The following JADE3 variants were observed in gnomAD, a reference collection of about 807,000 sequenced individuals.
JADE3 encodes the protein protein Jade-3.
A neutral mutation model predicts 50.1 loss-of-function variants in JADE3; 2 were observed. The observed-to-expected ratio is 0.04, with a 90% CI of 0.02 to 0.13. The LOEUF (loss-of-function observed/expected upper bound fraction) is 0.13, where lower values mean the gene tolerates loss of function less well. Among genes scored for constraint, JADE3 ranks in the 10% least tolerant of loss-of-function variants. JADE3 has a pLI of 1.00. For missense variants in JADE3, 475 were observed against 634.4 expected (o/e 0.75, Z 2.70); for synonymous variants, 218 against 232.9 (o/e 0.94, Z 0.58).
At chrX:47,039,741 T>G (rs1556369236) in intron 8 of JADE3, among the ~76,000 whole-genome samples, 1 of 112,141 alleles carries the variant, frequency 8.9e-6, no homozygotes, top group Non-Finnish European at 1.9e-5. Context: ...CATGATTTCT[T>G]TTTTTGTTTT....
intron 1 of JADE3, among the ~76,000 whole-genome samples, chrX:46,945,056 A>T (rs781923276): frequency 5.7e-5 from 6 of 105,526 alleles, no homozygotes; most frequent in African/African-American, 2.1e-4. Context: ...AGATTTCACC[A>T]TGTTGCCCAG....
intron 1 of JADE3, 39 bp downstream of exon 1, chrX:46,912,758 TGGG>T (rs1183999922): frequency 2.7e-5 from 3 of 111,217 alleles, no homozygotes; most frequent in Non-Finnish European, 5.7e-5. Flanking sequence ...CGGGCGAGGT[TGGG>T]GGCGTCGCAC....
intron 4 of JADE3, among the ~76,000 whole-genome samples, chrX:47,020,207 T>C (rs1453601399): frequency 9.0e-6 from 1 of 110,880 alleles, no homozygotes; most frequent in Admixed American, 9.6e-5. Context: ...GGCATGCACC[T>C]GTAATCCCAG....
intron 8 of JADE3, among the ~76,000 whole-genome samples, chrX:47,053,583 A>T (rs1027876362): frequency 1.8e-5 from 2 of 112,577 alleles, no homozygotes; most frequent in Non-Finnish European, 3.7e-5. Context: ...TTTAAAAAAA[A>T]AATTCAAGAA....
intron 3 of JADE3, among the ~76,000 whole-genome samples, chrX:46,991,616 T>G (rs782773119): frequency 9.0e-6 from 1 of 111,731 alleles, no homozygotes; most frequent in East Asian, 2.8e-4. Context: ...ACTTAACCAT[T>G]TAACTACTTA....
At chrX:47,018,629 CG>C (rs2146971975) in intron 4 of JADE3, among the ~76,000 whole-genome samples, 1 of 112,123 alleles carries the variant, frequency 8.9e-6, no homozygotes, top group South Asian at 3.8e-4. Context: ...CCGCCGCGCC[CG>C]GCCCAGAGCA....
At chrX:46,922,409 A>C (rs1233964963) in intron 1 of JADE3, among the ~76,000 whole-genome samples, 4 of 109,925 alleles carry the variant, frequency 3.6e-5, no homozygotes, top group African/African-American at 1.3e-4. Flanking sequence ...CTAATTTTGG[A>C]AAGTTTCTCA....
At chrX:47,019,307 C>T (rs146659377) in intron 4 of JADE3, among the ~76,000 whole-genome samples, 80 of 111,485 alleles carry the variant, frequency 7.2e-4, no homozygotes, top group African/African-American at 2.4e-3. Context: ...AGTGATTATC[C>T]CAGAGTGGTA....
rs1929684930 is a variant in JADE3, at chrX:47,058,578, A to C, written c.1973A>C (p.Gln658Pro). The change falls in exon 11 of 11, where the codon CAG becomes CCG. Residue 658 changes from glutamine to proline, a missense_variant. By Grantham distance (76) the Gln-to-Pro change is moderately conservative. Around this residue, in one of 6 missense-constraint regions of JADE3, gnomAD observed 243 missense variants for 238.2 expected, o/e 1.02. Transcript: ENST00000614628. ...TCTTCCATTGGGAATGGGAAAAGTC[A>C]GCCTAACTCCAAGTTTGCCAAATCC... The part of the protein sequence containing the change: ...GQSSIGNGKS[Q>P]PNSKFAKSNG... 8.3e-7 allele frequency: 1 copy of C among 1,209,151 alleles called. No individual in the cohort carries two copies. The highest frequency in any genetic ancestry group is 1.8e-5 in the African/African-American group (1 of 57,097).
chrX:46,994,474 A>G (rs1269250196), intron 3 of JADE3, among the ~76,000 whole-genome samples: 3 of 112,504 alleles, frequency 2.7e-5, no homozygotes, highest in East Asian at 5.6e-4. Flanking sequence ...AAGAACTTGT[A>G]AAACTTCTCA....
chrX:46,918,867 G>A (rs782194965), intron 1 of JADE3, among the ~76,000 whole-genome samples: 8 of 112,417 alleles, frequency 7.1e-5, no homozygotes, highest in Non-Finnish European at 1.3e-4. Context: ...ATTTGCTATT[G>A]TCCCATAAGC....
At chrX:47,001,858 C>T (rs1483331421) in intron 4 of JADE3, among the ~76,000 whole-genome samples, 1 of 111,778 alleles carries the variant, frequency 8.9e-6, no homozygotes, top group Non-Finnish European at 1.9e-5. Context: ...AGGAACTAGT[C>T]TTAAGGTTTT....
At chrX:47,005,793 A>G (rs1226403847) in intron 4 of JADE3, among the ~76,000 whole-genome samples, 2 of 111,593 alleles carry the variant, frequency 1.8e-5, no homozygotes, top group Admixed American at 1.9e-4. Context: ...GGAGGTATCC[A>G]TGGAAGCCTA....
chrX:47,059,490 C>G lies in JADE3; in HGVS notation c.*413C>G, dbSNP rs782584032. The G allele has an allele frequency of 1.7e-5, 2 of 119,356 alleles. No homozygotes were observed. The highest frequency in any genetic ancestry group is 3.4e-5 in the Non-Finnish European group (2 of 58,429). The allele number at this position is 119,356 out of a possible 1,213,427, so 9.8% of individuals were successfully genotyped here. A position where few individuals can be genotyped will look rare whatever the true frequency, so the allele number is the denominator to read the frequency against. On this transcript the variant is annotated 3_prime_UTR_variant, in exon 11 of 11. Transcript: ENST00000614628. ...TACAGCATGTGACTCCCCAGAGCTC[C>G]TGTCTGTAGGAAGTTTCTAATTCCA... is the stretch of plus-strand genomic sequence containing the variant.
chrX:47,013,588 T>C (rs1425248111), intron 4 of JADE3, among the ~76,000 whole-genome samples: 1 of 111,915 alleles, frequency 8.9e-6, no homozygotes, highest in African/African-American at 3.2e-5. Flanking sequence ...TCCTGGGAAT[T>C]TAACCATGTC....
At chrX:46,942,986 C>A (rs890155562) in intron 1 of JADE3, among the ~76,000 whole-genome samples, 1 of 111,560 alleles carries the variant, frequency 9.0e-6, no homozygotes, top group East Asian at 2.8e-4. Context: ...GGATTGCATT[C>A]TTGATTTATT....
In JADE3 at chrX:47,027,875, T is replaced by A. The variant is rs782349345; in HGVS notation, c.476-17T>A. On this transcript the variant is annotated splice_polypyrimidine_tract_variant and intron_variant, in intron 5 of 10. Coordinates refer to ENST00000614628, the MANE Select transcript of JADE3 (RefSeq NM_014735.5). The stretch of plus-strand genomic sequence containing the variant: ...AGCTGACTGATGGGTTGATTGATTG[T>A]TTGTATTTCTGTGCAGGTTGTGGGC... 7 of 1,192,483 alleles carry A rather than the reference T, an allele frequency of 5.9e-6. No homozygotes were observed. The highest frequency in any genetic ancestry group is 2.2e-5 in the Admixed American group (1 of 45,974).
chrX:46,954,419 TGTTA>T (rs1377667286), intron 1 of JADE3, among the ~76,000 whole-genome samples: 1 of 112,524 alleles, frequency 8.9e-6, no homozygotes, highest in South Asian at 3.6e-4. Flanking sequence ...TATTTCCTAT[TGTTA>T]GTTATGTGGT....
intron 4 of JADE3, among the ~76,000 whole-genome samples, chrX:47,003,468 T>C (rs1475269703): frequency 1.8e-5 from 2 of 108,933 alleles, no homozygotes; most frequent in Non-Finnish European, 3.8e-5. Flanking sequence ...GATTATATTA[T>C]ATTTTTATAC....
Sources: gnomAD v4.1 joint callset for allele counts (sites outside exome capture counted in the v4.1 genomes callset) on GRCh38, gnomAD v4.1.1 for gene constraint, gnomAD v4.1.1 regional missense constraint, MANE v1.5 for transcripts, NCBI Gene and HGNC (gene_info 2026-07-23, HGNC 2026-07-21) for gene names.